Variants in CCDC126 observed in about 807,000 individuals in gnomAD.
CCDC126 encodes coiled-coil domain containing 126.
CCDC126 carries 5 observed loss-of-function variants against 11.7 expected under a neutral mutation model. That is an observed-to-expected ratio of 0.43 (90% CI 0.22 to 0.90). The LOEUF (loss-of-function observed/expected upper bound fraction) is 0.90. Among genes scored for constraint, CCDC126 ranks in the 40% least tolerant of loss-of-function variants. CCDC126 has a pLI of 0.27. For missense variants in CCDC126, 150 were observed against 163.1 expected (o/e 0.92, Z 0.44); for synonymous variants, 60 against 61.9 (o/e 0.97, Z 0.14).
At chr7:23,608,404 A>G (rs1008684143) in intron 2 of CCDC126, among the ~76,000 whole-genome samples, 1 of 152,240 alleles carries the variant, frequency 6.6e-6, no homozygotes, top group Non-Finnish European at 1.5e-5. Context: ...CATGGGCTGC[A>G]TGGGACGGCT....
chr7:23,603,198 A>G (rs1291494575), intron 2 of CCDC126, among the ~76,000 whole-genome samples: 1 of 152,110 alleles, frequency 6.6e-6, no homozygotes, highest in African/African-American at 2.4e-5. Context: ...ATATGTTTTT[A>G]TCTTCTAGTT....
chr7:23,601,480 C>G (rs1430156851), intron 2 of CCDC126, among the ~76,000 whole-genome samples: 1 of 152,172 alleles, frequency 6.6e-6, no homozygotes, highest in Non-Finnish European at 1.5e-5. Context: ...ACGGTCTACT[C>G]TGATGGTTTC....
intron 3 of CCDC126, among the ~76,000 whole-genome samples, chr7:23,612,592 G>A (rs1310956235): frequency 1.3e-5 from 2 of 151,170 alleles, no homozygotes; most frequent in Non-Finnish European, 2.9e-5. Flanking sequence ...AAGATGGCTT[G>A]AGCCCAAGAG....
chr7:23,607,007 G>A (rs1782634948), intron 2 of CCDC126, among the ~76,000 whole-genome samples: 1 of 152,148 alleles, frequency 6.6e-6, no homozygotes, highest in African/African-American at 2.4e-5. Context: ...GCTAAGGTGG[G>A]AGGATTGCTT....
chr7:23,606,908 C>T (rs1782632103), intron 2 of CCDC126, among the ~76,000 whole-genome samples: 1 of 151,274 alleles, frequency 6.6e-6, no homozygotes, highest in Non-Finnish European at 1.5e-5. Context: ...CCAGACTGGG[C>T]AACGTAATGA....
rs1205370920 is a variant in CCDC126, at chr7:23,612,499, AAAC to A, written c.238+949_238+951del. 6.3e-5 allele frequency among the ~76,000 whole-genome samples: 9 copies of A among 142,994 alleles called. No individual in the cohort carries two copies. The South Asian group carries it at 1.1e-3, about 17-fold the overall frequency. The allele number at this position is 142,994 out of a possible 152,430, so 93.8% of individuals were successfully genotyped here. A position where few individuals can be genotyped will look rare whatever the true frequency, so the allele number is the denominator to read the frequency against. The stretch of plus-strand genomic sequence containing the variant: ...CAAAAAAAAAAAAAAAAAAAAAAAA[AAAC>A]AAAGAAAAAAGAAAAAAAAAATTAG... On this transcript the variant is annotated intron_variant, in intron 3 of 3. Coordinates refer to ENST00000307471, the MANE Select transcript of CCDC126 (RefSeq NM_138771.4).
chr7:23,621,045 C>T (rs1185918789), intron 3 of CCDC126, among the ~76,000 whole-genome samples: 1 of 152,202 alleles, frequency 6.6e-6, no homozygotes, highest in African/African-American at 2.4e-5. Context: ...TGGCTTAGGA[C>T]TGACTTGGCA....
chr7:23,631,327 C>T (rs556616482), intron 3 of CCDC126, among the ~76,000 whole-genome samples: 1 of 152,220 alleles, frequency 6.6e-6, no homozygotes, highest in African/African-American at 2.4e-5. Context: ...AGGGCAGACC[C>T]TGCAGATATC....
chr7:23,600,284 C>T (rs890316269), intron 2 of CCDC126, among the ~76,000 whole-genome samples: 3 of 150,474 alleles, frequency 2.0e-5, no homozygotes, highest in Non-Finnish European at 4.4e-5. Flanking sequence ...ATTTCCGTAT[C>T]TTAGCTGGAA....
chr7:23,605,753 T>C (rs1475421174), intron 2 of CCDC126, among the ~76,000 whole-genome samples: 1 of 152,236 alleles, frequency 6.6e-6, no homozygotes, highest in Non-Finnish European at 1.5e-5. Context: ...TTGGCTGTTA[T>C]GAATAATGCT....
At chr7:23,629,709 A>G (rs548104248) in intron 3 of CCDC126, among the ~76,000 whole-genome samples, 1 of 54,288 alleles carries the variant, frequency 1.8e-5, no homozygotes, top group Non-Finnish European at 3.5e-5. Flanking sequence ...GGACTCAACA[A>G]CAGAATGGAG....
At chr7:23,611,919 G>C (rs1156434244) in intron 3 of CCDC126, among the ~76,000 whole-genome samples, 2 of 152,104 alleles carry the variant, frequency 1.3e-5, no homozygotes, top group Non-Finnish European at 2.9e-5. Flanking sequence ...CGAGGCGGAT[G>C]GATCACGAGG....
chr7:23,638,960 T>A (rs956009495), intron 3 of CCDC126, among the ~76,000 whole-genome samples: 3 of 150,640 alleles, frequency 2.0e-5, no homozygotes, highest in African/African-American at 7.3e-5. Flanking sequence ...GAAAAGGAGA[T>A]CCAGTATTTA....
intron 2 of CCDC126, among the ~76,000 whole-genome samples, chr7:23,604,871 G>A (rs185293453): frequency 3.8e-4 from 58 of 151,930 alleles, no homozygotes; most frequent in Middle Eastern, 3.4e-3. Context: ...GGTGGCGGGC[G>A]CCTGTAGTCC....
chr7:23,635,322 G>A (rs1783190930), intron 3 of CCDC126, among the ~76,000 whole-genome samples: 1 of 152,204 alleles, frequency 6.6e-6, no homozygotes, highest in South Asian at 2.1e-4. Context: ...CTGTTTCCAA[G>A]TTGCTTTTAG....
chr7:23,627,467 T>A (rs554704831), intron 3 of CCDC126, among the ~76,000 whole-genome samples: 1 of 151,234 alleles, frequency 6.6e-6, no homozygotes, highest in East Asian at 2.0e-4. Context: ...CTCGGGAGGC[T>A]GAAGCACAAG....
intron 3 of CCDC126, among the ~76,000 whole-genome samples, chr7:23,621,930 C>G (rs1782909245): frequency 6.6e-6 from 1 of 152,116 alleles, no homozygotes; most frequent in Non-Finnish European, 1.5e-5. Context: ...AGGGATGAAG[C>G]CCACTTGATC....
intron 3 of CCDC126, among the ~76,000 whole-genome samples, chr7:23,626,502 T>C (rs1299994208): frequency 3.7e-4 from 57 of 152,218 alleles, no homozygotes; most frequent in Middle Eastern, 3.4e-3. Flanking sequence ...TTAATGGAAA[T>C]TAAAAAAAAT....
intron 3 of CCDC126, among the ~76,000 whole-genome samples, chr7:23,640,266 G>A (rs1025232172): frequency 4.0e-5 from 6 of 151,814 alleles, no homozygotes; most frequent in Non-Finnish European, 1.5e-5. Flanking sequence ...GGGAGGCCGA[G>A]GCAGGCAGAT....
Sources: allele counts gnomAD v4.1 joint callset (sites outside exome capture counted in the v4.1 genomes callset), GRCh38; gene constraint gnomAD v4.1.1; transcripts MANE v1.5; gene names NCBI Gene and HGNC (gene_info 2026-07-23, HGNC 2026-07-21).